Variants in SOX5 observed in about 807,000 individuals in gnomAD.
The protein encoded by SOX5 is SRY-box transcription factor 5, also known as transcription factor SOX-5.
In SOX5, 9 loss-of-function variants were observed where a neutral mutation model predicts 92.0. The observed-to-expected ratio is 0.10, with a 90% CI of 0.06 to 0.17. The LOEUF (loss-of-function observed/expected upper bound fraction) is 0.17, where lower values mean the gene tolerates loss of function less well. Among genes scored for constraint, SOX5 ranks in the 10% least tolerant of loss-of-function variants. The pLI, the probability that SOX5 is intolerant of heterozygous loss-of-function variation, is 1.00. For synonymous variants in SOX5, 344 were observed against 336.3 expected (o/e 1.02, Z -0.25); for missense variants, 642 against 944.5 (o/e 0.68, Z 4.20).
chr12:23,706,241 A>G (rs2091376132), intron 6 of SOX5, among the ~76,000 whole-genome samples: 3 of 152,154 alleles, frequency 2.0e-5, no homozygotes, highest in Admixed American at 6.6e-5. Flanking sequence ...AATTATAGTT[A>G]TCTGATGATA....
At chr12:23,781,817 A>T (rs1222963333) in intron 3 of SOX5, among the ~76,000 whole-genome samples, 1 of 152,028 alleles carries the variant, frequency 6.6e-6, no homozygotes, top group Non-Finnish European at 1.5e-5. Context: ...GATCAAGGAG[A>T]ATTTGGAAAA....
intron 2 of SOX5, among the ~76,000 whole-genome samples, chr12:24,355,280 A>ATT (rs1565973053): frequency 2.4e-5 from 2 of 84,034 alleles, no homozygotes; most frequent in African/African-American, 1.2e-4. Flanking sequence ...TGAGGGGTGC[A>ATT]TCTTTTTTTT....
At chr12:23,933,166 CAT>C (rs1326623741) in intron 1 of SOX5, among the ~76,000 whole-genome samples, 1 of 151,672 alleles carries the variant, frequency 6.6e-6, no homozygotes, top group Non-Finnish European at 1.5e-5. Context: ...ATACACAATT[CAT>C]ATGTTTTTAA....
At chr12:23,916,656 A>T (rs535920899) in intron 1 of SOX5, among the ~76,000 whole-genome samples, 1 of 152,312 alleles carries the variant, frequency 6.6e-6, no homozygotes, top group South Asian at 2.1e-4. Flanking sequence ...TGTTACCAAT[A>T]TTGTTTTAAT....
chr12:23,669,879 A>G (rs746381057), intron 6 of SOX5, among the ~76,000 whole-genome samples: 17 of 152,214 alleles, frequency 1.1e-4, no homozygotes, highest in Non-Finnish European at 2.5e-4. Context: ...TTTCCAGCAG[A>G]TGGACACTCC....
At chr12:23,587,365 TAAAG>T (rs750075072) in intron 9 of SOX5, among the ~76,000 whole-genome samples, 8 of 152,134 alleles carry the variant, frequency 5.3e-5, no homozygotes, top group Non-Finnish European at 1.2e-4. Context: ...AGTCATACCT[TAAAG>T]AAGCCTCAGA....
chr12:24,280,923 G>A, intron 2 of SOX5, among the ~76,000 whole-genome samples: 1 of 148,860 alleles, frequency 6.7e-6, no homozygotes, highest in South Asian at 2.1e-4. Flanking sequence ...TCAAATATAG[G>A]GCAACCCAGT....
At chr12:23,596,335 A>G (rs1420421645) in intron 9 of SOX5, among the ~76,000 whole-genome samples, 1 of 152,220 alleles carries the variant, frequency 6.6e-6, no homozygotes, top group Non-Finnish European at 1.5e-5. Flanking sequence ...TTTTGCATAT[A>G]TACTATTTTC....
At chr12:23,728,099 C>G (rs554781709) in intron 6 of SOX5, among the ~76,000 whole-genome samples, 2 of 152,272 alleles carry the variant, frequency 1.3e-5, no homozygotes, top group Non-Finnish European at 2.9e-5. Flanking sequence ...GTTATCCTTA[C>G]GAACCCTTCA....
At chr12:24,195,717 G>T (rs1429625074) in intron 4 of SOX5, among the ~76,000 whole-genome samples, 2 of 152,068 alleles carry the variant, frequency 1.3e-5, no homozygotes, top group Non-Finnish European at 2.9e-5. Flanking sequence ...AGAATATACA[G>T]AATTTTATGA....
chr12:23,906,992 A>T (rs945454145), intron 1 of SOX5, among the ~76,000 whole-genome samples: 1 of 152,172 alleles, frequency 6.6e-6, no homozygotes, highest in Non-Finnish European at 1.5e-5. Context: ...AATATCTCTA[A>T]TAAGGTATCT....
At chr12:23,575,637 A>G (rs1467735468) in intron 10 of SOX5, 24 bp downstream of exon 10, 1 of 1,611,706 alleles carries the variant, frequency 6.2e-7, no homozygotes, top group Non-Finnish European at 8.5e-7. Flanking sequence ...GAAAATCAGC[A>G]AGAACAAAAG....
chr12:24,211,223 T>TC (rs1329330018), intron 4 of SOX5, among the ~76,000 whole-genome samples: 3 of 152,194 alleles, frequency 2.0e-5, no homozygotes, highest in Non-Finnish European at 4.4e-5. Context: ...TTCCATTCTC[T>TC]CCTTATCAAA....
chr12:23,592,952 A>G (rs903837427), intron 9 of SOX5, among the ~76,000 whole-genome samples: 1 of 151,914 alleles, frequency 6.6e-6, no homozygotes, highest in African/African-American at 2.4e-5. Context: ...GGCAGCAGGC[A>G]CCTGTAGTCC....
At chr12:24,087,447 G>A (rs1050500949) in intron 4 of SOX5, among the ~76,000 whole-genome samples, 2 of 152,028 alleles carry the variant, frequency 1.3e-5, no homozygotes, top group Non-Finnish European at 2.9e-5. Flanking sequence ...TTATTAAAGT[G>A]TACAGAGTAA....
chr12:24,149,680 A>T (rs1951463020), intron 4 of SOX5, among the ~76,000 whole-genome samples: 1 of 152,166 alleles, frequency 6.6e-6, no homozygotes, highest in Non-Finnish European at 1.5e-5. Flanking sequence ...TACTCAAAAG[A>T]TATTCAAGAA....
chr12:24,212,934 G>A (rs1351587467), intron 4 of SOX5, among the ~76,000 whole-genome samples: 2 of 152,034 alleles, frequency 1.3e-5, no homozygotes, highest in Non-Finnish European at 2.9e-5. Context: ...GAAGAAACTC[G>A]ATTTTCATGA....
rs533550646 is a variant in SOX5 at position 24,003,950 on chromosome 12, T to C, written c.-1-107926A>G. On this transcript the variant is annotated intron_variant, in intron 4 of 4. Coordinates refer to the SOX5 transcript ENST00000446891. ...TTTGGAACTGTCATAAGATGAGATATGTAAGTCGCTAGAACAGAACTGAGA... is the reference window on the plus strand; with the variant it reads ...TTTGGAACTGTCATAAGATGAGATACGTAAGTCGCTAGAACAGAACTGAGA... 5.3e-5 allele frequency among the ~76,000 whole-genome samples: 8 copies of C among 152,194 alleles called. No homozygotes were observed. The East Asian group carries it at 1.5e-3, about 29-fold the overall frequency.
intron 2 of SOX5, among the ~76,000 whole-genome samples, chr12:23,880,176 T>G (rs2096972141): frequency 6.6e-6 from 1 of 152,158 alleles, no homozygotes; most frequent in South Asian, 2.1e-4. Context: ...AATATGTAAG[T>G]GCATATATCA....
Sources: allele counts gnomAD v4.1 joint callset (sites outside exome capture counted in the v4.1 genomes callset), GRCh38; gene constraint gnomAD v4.1.1; transcripts MANE v1.5; gene names NCBI Gene and HGNC (gene_info 2026-07-23, HGNC 2026-07-21).